Variants in PLCXD2 observed in about 807,000 individuals in gnomAD.
The protein encoded by PLCXD2 is PI-PLC X domain-containing protein 2.
Under a neutral mutation model 28.6 loss-of-function variants are expected in PLCXD2, and 21 were observed. The ratio of observed to expected loss-of-function variants is 0.73; its 90% confidence interval spans 0.52 to 1.06. The LOEUF (loss-of-function observed/expected upper bound fraction) is 1.06. Among genes scored for constraint, PLCXD2 ranks in the 50% least tolerant of loss-of-function variants. PLCXD2 has a pLI of 0.00. For missense variants in PLCXD2, 369 were observed against 376.7 expected (o/e 0.98, Z 0.17); for synonymous variants, 140 against 150.1 (o/e 0.93, Z 0.49).
chr3:111,699,960 T>G (rs1941017716), intron 1 of PLCXD2, among the ~76,000 whole-genome samples: 1 of 152,204 alleles, frequency 6.6e-6, no homozygotes, highest in Non-Finnish European at 1.5e-5. Flanking sequence ...TTGAAAGTAC[T>G]AGAAGTCCAG....
At chr3:111,683,156 A>G (rs568982021) in intron 1 of PLCXD2, among the ~76,000 whole-genome samples, 1 of 152,296 alleles carries the variant, frequency 6.6e-6, no homozygotes, top group African/African-American at 2.4e-5. Context: ...TGTTACTGGT[A>G]GTAGGAGGAA....
chr3:111,725,822 A>G (rs1293596278), intron 3 of PLCXD2: 2 of 398,448 alleles, frequency 5.0e-6, no homozygotes, highest in Non-Finnish European at 8.8e-6. Context: ...GTCTAGAGGC[A>G]TATTCTGTGT....
intron 3 of PLCXD2, chr3:111,722,126 G>A (rs749694097): frequency 6.6e-6 from 1 of 151,826 alleles, no homozygotes; most frequent in South Asian, 2.1e-4. Flanking sequence ...ACTCGAGAGG[G>A]AATTTTTTTT....
At position 111,714,056 on chromosome 3, in the gene PLCXD2, C is replaced by T. The variant is rs754981611; in HGVS notation, c.794C>T (p.Ala265Val). 8.1e-6 allele frequency: 13 copies of T among 1,614,014 alleles called. No homozygotes were observed. Among genetic ancestry groups the T allele is most frequent in the Middle Eastern group, 3.3e-4 (2 of 6,082 alleles). ...CGGGGCTCCTTCCATGTCTCCCAAG[C>T]GATCCTCACCCCCAGAGTGAAGACC... The change falls in exon 3 of 5, where the codon GCG becomes GTG. Residue 265 changes from alanine to valine, a missense_variant. By Grantham distance (64) the Ala-to-Val change is moderately conservative. Transcript: ENST00000477665.
At chr3:111,724,271 A>T (rs1158890324) in intron 3 of PLCXD2, 1 of 152,152 alleles carries the variant, frequency 6.6e-6, no homozygotes, top group African/African-American at 2.4e-5. Flanking sequence ...CTCAATGGTA[A>T]TTACTTTTAG....
At chr3:111,685,922 C>G (rs561328555) in intron 1 of PLCXD2, among the ~76,000 whole-genome samples, 2 of 152,166 alleles carry the variant, frequency 1.3e-5, no homozygotes, top group African/African-American at 2.4e-5. Flanking sequence ...TGCTCCCCCC[C>G]ACAACATGGG....
intron 1 of PLCXD2, among the ~76,000 whole-genome samples, chr3:111,676,164 G>T (rs1281821455): frequency 6.6e-6 from 1 of 152,200 alleles, no homozygotes; most frequent in Non-Finnish European, 1.5e-5. Context: ...GGTGGTTATT[G>T]TATGTTTTCT....
chr3:111,695,160 TAAA>T (rs10662190), intron 1 of PLCXD2, among the ~76,000 whole-genome samples: 4 of 132,334 alleles, frequency 3.0e-5, no homozygotes, highest in Admixed American at 1.5e-4. Context: ...ACCCATTTTC[TAAA>T]AAAAAAAAAA....
At chr3:111,724,988 G>T (rs1329493737) in intron 3 of PLCXD2, 2 of 152,344 alleles carry the variant, frequency 1.3e-5, no homozygotes, top group East Asian at 1.9e-4. Context: ...TACTCAGGGG[G>T]TGTGCAGATA....
intron 1 of PLCXD2, 43 bp downstream of exon 1, chr3:111,675,451 C>G (rs373382942): frequency 6.2e-7 from 1 of 1,605,526 alleles, no homozygotes; most frequent in African/African-American, 1.3e-5. Context: ...TTTAATTCTG[C>G]CATTTTAGTG....
In PLCXD2 at chr3:111,675,358, C is replaced by G; in HGVS notation, c.113C>G (p.Ser38Trp). The change falls in exon 1 of 5, where the codon TCG (serine) becomes TGG (tryptophan). Residue 38 changes from serine to tryptophan, a missense_variant. Transcript: ENST00000477665. ...GTCTGCAATGCCGACTGGATGGCCT[C>G]GCTCCCCCCTCACCTCCACAACCTC... The G allele has an allele frequency of 1.2e-6, 2 of 1,614,128 alleles. No individual in the cohort carries two copies. The highest frequency in any genetic ancestry group is 1.7e-6 in the Non-Finnish European group (2 of 1,180,024).
intron 2 of PLCXD2, among the ~76,000 whole-genome samples, chr3:111,712,234 G>T (rs972449509): frequency 6.6e-6 from 1 of 152,182 alleles, no homozygotes; most frequent in Non-Finnish European, 1.5e-5. Flanking sequence ...TGGATAATTT[G>T]TACTTAATGC....
chr3:111,691,578 C>G (rs1196612467), intron 1 of PLCXD2: 1 of 152,244 alleles, frequency 6.6e-6, no homozygotes, highest in Non-Finnish European at 1.5e-5. Flanking sequence ...TTTTCCTGCA[C>G]TGGCAGGGAC....
At chr3:111,723,738 G>A (rs1009128046) in intron 3 of PLCXD2, 1 of 152,220 alleles carries the variant, frequency 6.6e-6, no homozygotes, top group African/African-American at 2.4e-5. Flanking sequence ...ACTCAGGCAT[G>A]TGGGACAGAG....
At chr3:111,710,478 G>A (rs1478049469) in intron 2 of PLCXD2, among the ~76,000 whole-genome samples, 1 of 152,146 alleles carries the variant, frequency 6.6e-6, no homozygotes, top group African/African-American at 2.4e-5. Context: ...TTTTACAGAT[G>A]AGGAAACTGA....
At chr3:111,687,642 G>A (rs1231325534) in intron 1 of PLCXD2, among the ~76,000 whole-genome samples, 3 of 151,114 alleles carry the variant, frequency 2.0e-5, no homozygotes, top group African/African-American at 7.3e-5. Context: ...AAGAACACAT[G>A]TTCATCCCTC....
Position 111,675,145 on chromosome 3 carries a change from G to T in PLCXD2, c.-101G>T. 7.1e-7 allele frequency: 1 copy of T among 1,400,118 alleles called. No individual in the cohort carries two copies. Among genetic ancestry groups the T allele is most frequent in the Non-Finnish European group, 9.8e-7 (1 of 1,020,378 alleles). The allele number at this position is 1,400,118 out of a possible 1,614,324, so 86.7% of individuals were successfully genotyped here. ...CCAGAAAGGCATTTTGGAAAGACTG[G>T]CGTGGCAAGCGTCGCCCTGAAACGT... On this transcript the variant is annotated 5_prime_UTR_variant, in exon 1 of 5. Transcript: ENST00000477665.
intron 1 of PLCXD2, among the ~76,000 whole-genome samples, chr3:111,683,799 T>C (rs1016080862): frequency 7.2e-5 from 11 of 152,106 alleles, no homozygotes; most frequent in Non-Finnish European, 4.4e-5. Context: ...TTAACAAGAC[T>C]AGGGAGGCCT....
chr3:111,723,426 T>C (rs1435991579), intron 3 of PLCXD2: 2 of 152,222 alleles, frequency 1.3e-5, no homozygotes, highest in Admixed American at 1.3e-4. Flanking sequence ...CCTCAGTGTT[T>C]GCATGATAAA....
Sources: gnomAD v4.1 joint callset for allele counts (sites outside exome capture counted in the v4.1 genomes callset) on GRCh38, gnomAD v4.1.1 for gene constraint, MANE v1.5 for transcripts, NCBI Gene and HGNC (gene_info 2026-07-23, HGNC 2026-07-21) for gene names.